ARHGAP15: variants seen among roughly 807,000 people sequenced by gnomAD.
ARHGAP15 encodes rho GTPase-activating protein 15.
In ARHGAP15, 51 loss-of-function variants were observed where a neutral mutation model predicts 63.7. The observed-to-expected ratio is 0.80, with a 90% CI of 0.64 to 1.01. The LOEUF (loss-of-function observed/expected upper bound fraction) is 1.01, where lower values mean the gene tolerates loss of function less well. ARHGAP15 is among the 50% of genes least tolerant of loss of function. The pLI is 0.00. For missense variants in ARHGAP15, 560 were observed against 564.6 expected (o/e 0.99, Z 0.08); for synonymous variants, 191 against 193.8 (o/e 0.99, Z 0.12).
chr2:143,355,991 C>A (rs779191360), intron 6 of ARHGAP15, among the ~76,000 whole-genome samples: 5 of 151,872 alleles, frequency 3.3e-5, no homozygotes, highest in Non-Finnish European at 5.9e-5. Context: ...CCTGTCACCA[C>A]TGACAGGCTA....
chr2:143,300,864 C>A (rs1450948508), intron 6 of ARHGAP15, among the ~76,000 whole-genome samples: 1 of 151,998 alleles, frequency 6.6e-6, no homozygotes, highest in African/African-American at 2.4e-5. Context: ...TAAATTACTA[C>A]AGGACCTGTC....
intron 8 of ARHGAP15, among the ~76,000 whole-genome samples, chr2:143,443,602 A>C (rs896891665): frequency 6.6e-6 from 1 of 152,168 alleles, no homozygotes; most frequent in African/African-American, 2.4e-5. Context: ...TTGTCTTTTC[A>C]GTTGTTTTTC....
intron 11 of ARHGAP15, among the ~76,000 whole-genome samples, chr2:143,573,916 T>C (rs1463776381): frequency 6.6e-6 from 1 of 152,190 alleles, no homozygotes; most frequent in Non-Finnish European, 1.5e-5. Context: ...GCCTCTCTTA[T>C]ATTTTATGTC....
chr2:143,752,004 T>A (rs1686394651), intron 13 of ARHGAP15, among the ~76,000 whole-genome samples: 2 of 152,186 alleles, frequency 1.3e-5, no homozygotes, highest in Non-Finnish European at 2.9e-5. Context: ...TACAATGATA[T>A]ACAGAGAATA....
intron 13 of ARHGAP15, among the ~76,000 whole-genome samples, chr2:143,767,308 A>G (rs1176605729): frequency 6.6e-6 from 1 of 152,180 alleles, no homozygotes; most frequent in Admixed American, 6.5e-5. Flanking sequence ...CTAGTGTTTC[A>G]TTGGTATTCC....
intron 2 of ARHGAP15, among the ~76,000 whole-genome samples, chr2:143,197,915 A>G (rs1691946343): frequency 6.6e-6 from 1 of 151,858 alleles, no homozygotes; most frequent in Non-Finnish European, 1.5e-5. Flanking sequence ...ATATCTTTTT[A>G]TGCACGTGGA....
intron 12 of ARHGAP15, among the ~76,000 whole-genome samples, chr2:143,657,335 A>G (rs1218017780): frequency 6.6e-6 from 1 of 152,210 alleles, no homozygotes; most frequent in Non-Finnish European, 1.5e-5. Context: ...CAACAGAGTG[A>G]GGCTCCGCAT....
chr2:143,701,934 A>G (rs1350560533), intron 12 of ARHGAP15, among the ~76,000 whole-genome samples: 2 of 152,168 alleles, frequency 1.3e-5, no homozygotes, highest in Non-Finnish European at 2.9e-5. Flanking sequence ...CAGCTCATAC[A>G]TGCTCTCCCA....
At chr2:143,746,826 C>T (rs1176236768) in intron 13 of ARHGAP15, among the ~76,000 whole-genome samples, 7 of 152,006 alleles carry the variant, frequency 4.6e-5, no homozygotes, top group Admixed American at 4.6e-4. Flanking sequence ...AAAAGTCTTC[C>T]TAGTAGAGAC....
intron 2 of ARHGAP15, among the ~76,000 whole-genome samples, chr2:143,182,509 T>C (rs1866602): frequency 0.33 from 50,334 of 151,880 alleles, 8,496 homozygotes; most frequent in South Asian, 0.47. Context: ...GAAAGATGGG[T>C]GGTGGGGAGG....
rs1686747013 is a variant in ARHGAP15 at position 143,761,139 on chromosome 2, G to A, written c.1245-6850G>A. Among the ~76,000 whole-genome samples the A allele has an allele frequency of 2.0e-5, 3 of 152,134 alleles. No individual in the cohort carries two copies. The South Asian group carries it at 6.2e-4, about 31-fold the overall frequency. On this transcript the variant is annotated intron_variant, in intron 13 of 13. Transcript: ENST00000295095. ...GCAAATTGAGGGTAGGCAAGCATAT[G>A]GTTAGCATAGATCCCCCCCGAAATA...
At chr2:143,345,909 C>T (rs1417725504) in intron 6 of ARHGAP15, among the ~76,000 whole-genome samples, 7 of 152,078 alleles carry the variant, frequency 4.6e-5, no homozygotes, top group South Asian at 2.1e-4. Flanking sequence ...CTGGAAATTG[C>T]ACCTGTTCAT....
At chr2:143,514,892 A>T (rs1043403880) in intron 9 of ARHGAP15, among the ~76,000 whole-genome samples, 1 of 152,208 alleles carries the variant, frequency 6.6e-6, no homozygotes, top group Non-Finnish European at 1.5e-5. Context: ...TTAAGGCCTC[A>T]GTCTGGAACT....
At chr2:143,388,666 C>T (rs1039170857) in intron 6 of ARHGAP15, among the ~76,000 whole-genome samples, 2 of 152,080 alleles carry the variant, frequency 1.3e-5, no homozygotes, top group African/African-American at 4.8e-5. Flanking sequence ...TATAATGATT[C>T]TTCACTTAAT....
intron 11 of ARHGAP15, among the ~76,000 whole-genome samples, chr2:143,580,266 A>G (rs1453457508): frequency 6.6e-6 from 1 of 152,092 alleles, no homozygotes; most frequent in African/African-American, 2.4e-5. Flanking sequence ...TTGCAAGTAA[A>G]TAGGAAATGA....
chr2:143,628,138 G>A (rs1188680345), intron 12 of ARHGAP15, among the ~76,000 whole-genome samples: 1 of 152,100 alleles, frequency 6.6e-6, no homozygotes, highest in Non-Finnish European at 1.5e-5. Context: ...CTGTATCCAT[G>A]TTGCTCCAGA....
chr2:143,318,508 C>CTT (rs1683832863), intron 6 of ARHGAP15, among the ~76,000 whole-genome samples: 24 of 87,856 alleles, frequency 2.7e-4, no homozygotes, highest in African/African-American at 5.7e-4. Flanking sequence ...AGATTAAGGG[C>CTT]CTTTTTTTTT....
chr2:143,538,945 A>G (rs928379433), intron 10 of ARHGAP15, among the ~76,000 whole-genome samples: 2 of 152,218 alleles, frequency 1.3e-5, no homozygotes, highest in Non-Finnish European at 2.9e-5. Context: ...GTATAGTTTC[A>G]GAAGGAATGG....
At chr2:143,412,044 C>T (rs1688469613) in intron 6 of ARHGAP15, among the ~76,000 whole-genome samples, 1 of 152,152 alleles carries the variant, frequency 6.6e-6, no homozygotes, top group Admixed American at 6.5e-5. Context: ...GTCACATAAA[C>T]CTGTAAACTG....
Sources: gnomAD v4.1 joint callset for allele counts (sites outside exome capture counted in the v4.1 genomes callset) on GRCh38, gnomAD v4.1.1 for gene constraint, MANE v1.5 for transcripts, NCBI Gene and HGNC (gene_info 2026-07-23, HGNC 2026-07-21) for gene names.